METAP1: variants seen among roughly 807,000 people sequenced by gnomAD.
METAP1 encodes methionine aminopeptidase 1.
A neutral mutation model predicts 53.8 loss-of-function variants in METAP1; 28 were observed. The ratio of observed to expected loss-of-function variants is 0.52; its 90% CI spans 0.39 to 0.71. The LOEUF (loss-of-function observed/expected upper bound fraction) is 0.71. Among genes scored for constraint, METAP1 ranks in the 30% least tolerant of loss-of-function variants. The probability of loss-of-function intolerance (pLI) is 0.00; values close to 1 mark genes in which losing one functional copy is unlikely to be tolerated. For missense variants in METAP1, 389 were observed against 479.8 expected, an observed-to-expected ratio of 0.81 and a Z score of 1.77; for synonymous variants, 181 against 165.7, an observed-to-expected ratio of 1.09 and a Z score of -0.71.
At chr4:99,052,400 G>T (rs1185198726) in intron 9 of METAP1, among the ~76,000 whole-genome samples, 1 of 152,170 alleles carries the variant, frequency 6.6e-6, no homozygotes, top group Admixed American at 6.5e-5. Context: ...ATTGGCTCAC[G>T]GTTCTGCAGG....
chr4:99,018,946 C>T (rs780592346), intron 1 of METAP1, among the ~76,000 whole-genome samples: 2 of 152,066 alleles, frequency 1.3e-5, no homozygotes, highest in Non-Finnish European at 2.9e-5. Context: ...ACCATAAATC[C>T]GGATGAATTT....
chr4:99,047,365 G>C (rs948298006), intron 8 of METAP1, among the ~76,000 whole-genome samples: 1 of 152,080 alleles, frequency 6.6e-6, no homozygotes, highest in Admixed American at 6.6e-5. Flanking sequence ...ACTACCCTTG[G>C]GGCCGCAGTT....
At chr4:99,022,745 A>G (rs1005089105) in intron 1 of METAP1, 16 of 1,598,634 alleles carry the variant, frequency 1.0e-5, no homozygotes, top group African/African-American at 9.4e-5. Flanking sequence ...GTGGGTACCC[A>G]TAGGCGTGTT....
chr4:99,060,064 C>T (rs1727430120), intron 10 of METAP1, among the ~76,000 whole-genome samples: 2 of 152,128 alleles, frequency 1.3e-5, no homozygotes, highest in Admixed American at 1.3e-4. Context: ...CCAAGTTATA[C>T]TAGGAAAGAG....
At chr4:99,017,187 A>G (rs187002764) in intron 1 of METAP1, among the ~76,000 whole-genome samples, 3 of 152,354 alleles carry the variant, frequency 2.0e-5, no homozygotes, top group African/African-American at 7.2e-5. Flanking sequence ...TATTTAAAAC[A>G]CAAGTCACTA....
chr4:99,058,831 T>C (rs776276613), intron 10 of METAP1, among the ~76,000 whole-genome samples: 3 of 152,208 alleles, frequency 2.0e-5, no homozygotes, highest in Non-Finnish European at 4.4e-5. Flanking sequence ...TGGTTCCTTA[T>C]TGCGTTTTCT....
chr4:99,048,328 A>G (rs1726422841), intron 8 of METAP1, among the ~76,000 whole-genome samples: 1 of 152,112 alleles, frequency 6.6e-6, no homozygotes, highest in African/African-American at 2.4e-5. Flanking sequence ...TGGATGCATA[A>G]AAGTGTTTCA....
chr4:99,050,747 C>T (rs950267500), intron 9 of METAP1, among the ~76,000 whole-genome samples: 3 of 152,086 alleles, frequency 2.0e-5, no homozygotes, highest in Non-Finnish European at 4.4e-5. Context: ...TTGCGCACTC[C>T]GTATGAGAGA....
At chr4:99,033,402 C>G (rs1364075841) in intron 2 of METAP1, among the ~76,000 whole-genome samples, 1 of 152,094 alleles carries the variant, frequency 6.6e-6, no homozygotes. Flanking sequence ...ATTCCGGCTA[C>G]TTAAAGTCTT....
At chr4:99,016,178 C>T (rs947173939) in intron 1 of METAP1, among the ~76,000 whole-genome samples, 7 of 152,118 alleles carry the variant, frequency 4.6e-5, no homozygotes, top group African/African-American at 9.7e-5. Context: ...AGAGGAGAGT[C>T]CAAATATGTT....
chr4:99,016,885 A>G, intron 1 of METAP1, among the ~76,000 whole-genome samples: 1 of 152,140 alleles, frequency 6.6e-6, no homozygotes, highest in Non-Finnish European at 1.5e-5. Flanking sequence ...GTGGGACAGA[A>G]CTTCTTTCAT....
intron 1 of METAP1, among the ~76,000 whole-genome samples, chr4:99,001,048 A>G (rs1722899529): frequency 6.6e-6 from 1 of 152,208 alleles, no homozygotes; most frequent in African/African-American, 2.4e-5. Flanking sequence ...AAGGTAGAGA[A>G]GGAATTGCCG....
At chr4:99,027,204 C>G (rs1400557789) in intron 1 of METAP1, among the ~76,000 whole-genome samples, 1 of 152,158 alleles carries the variant, frequency 6.6e-6, no homozygotes, top group Non-Finnish European at 1.5e-5. Flanking sequence ...AATCAACTTA[C>G]AAAAACCAGA....
intron 1 of METAP1, among the ~76,000 whole-genome samples, chr4:99,013,442 G>C (rs537362290): frequency 7.2e-5 from 11 of 152,304 alleles, no homozygotes; most frequent in Admixed American, 3.3e-4. Context: ...GGGCATGGGA[G>C]TTTGATCTTG....
Position 99,051,717 on chromosome 4 carries a change from C to T in METAP1, c.931+2841C>T, listed in dbSNP as rs949574530. 4.0e-5 allele frequency among the ~76,000 whole-genome samples: 6 copies of T among 151,854 alleles called. No homozygotes were observed. In the East Asian group the frequency reaches 5.8e-4, roughly 15 times the overall value. On this transcript the variant is annotated intron_variant, in intron 9 of 10. Transcript: ENST00000296411. ...TATATATTATGTTTATGAAGAGTCA[C>T]ATTTATGTAAAACAAAATATGCAAT...
intron 9 of METAP1, among the ~76,000 whole-genome samples, chr4:99,056,039 C>A (rs1245601948): frequency 6.6e-6 from 1 of 152,190 alleles, no homozygotes; most frequent in Non-Finnish European, 1.5e-5. Context: ...TAGTGGAAAG[C>A]AGCACGATAG....
chr4:99,026,370 A>G, intron 1 of METAP1: 3 of 985,484 alleles, frequency 3.0e-6, no homozygotes, highest in African/African-American at 1.7e-5. Flanking sequence ...GAATAAGTAC[A>G]TGTGACATGT....
In METAP1 at chr4:99,062,238, A is replaced by G. The variant is rs1329874946; in HGVS notation, c.*921A>G. On this transcript the variant is annotated 3_prime_UTR_variant, in exon 11 of 11. Transcript: ENST00000296411. The stretch of plus-strand genomic sequence containing the variant: ...TGGTGGAGGATGGGGAAAGAGTTCT[A>G]AAGTGTCTCCAGCTGTGAACCCAGG... The G allele has an allele frequency of 6.6e-6, 1 of 152,220 alleles. No homozygotes were observed. The highest frequency in any genetic ancestry group is 2.4e-5 in the African/African-American group (1 of 41,442). 9.4% of individuals were successfully genotyped at this position (152,220 alleles called of 1,614,324 possible).
intron 1 of METAP1, among the ~76,000 whole-genome samples, chr4:99,007,134 T>C (rs375361413): frequency 1.3e-5 from 2 of 152,158 alleles, no homozygotes; most frequent in South Asian, 2.1e-4. Flanking sequence ...TTTTGTACTT[T>C]TTGTAGAGAT....
Sources: gnomAD v4.1 joint callset for allele counts (sites outside exome capture counted in the v4.1 genomes callset) on GRCh38, gnomAD v4.1.1 for gene constraint, MANE v1.5 for transcripts, NCBI Gene and HGNC (gene_info 2026-07-23, HGNC 2026-07-21) for gene names.